The following TBC1D31 variants were observed in gnomAD, a reference collection of about 807,000 sequenced individuals.
The protein encoded by TBC1D31 is WD repeat domain 67.
A neutral mutation model predicts 132.9 loss-of-function variants in TBC1D31; 99 were observed. That is an observed-to-expected ratio of 0.74 (90% CI 0.63 to 0.88). The LOEUF (loss-of-function observed/expected upper bound fraction) is 0.88. Among genes scored for constraint, TBC1D31 ranks in the 40% least tolerant of loss-of-function variants. The pLI is 0.00. For synonymous variants in TBC1D31, 385 were observed against 419.4 expected (o/e 0.92, Z 1.00); for missense variants, 1,134 against 1,256.6 (o/e 0.90, Z 1.48).
chr8:123,097,803 G>A (rs1408811406), intron 6 of TBC1D31: 2 of 159,410 alleles, frequency 1.3e-5, no homozygotes, highest in African/African-American at 2.4e-5. Context: ...ACATTGACTC[G>A]TCAACATTCC....
chr8:123,159,916 G>T, the TBC1D31 span, among the ~76,000 whole-genome samples: 1 of 152,176 alleles, frequency 6.6e-6, no homozygotes, highest in South Asian at 2.1e-4. Flanking sequence ...AACAGTTTTA[G>T]CGTCACAGAA....
intron 21 of TBC1D31, 50 bp from the exon 22 acceptor site, chr8:123,151,756 G>A (rs754067450): frequency 1.5e-5 from 22 of 1,497,540 alleles, no homozygotes; most frequent in African/African-American, 4.4e-5. Flanking sequence ...CTGTATCACC[G>A]CTAACATCAG....
the TBC1D31 span, among the ~76,000 whole-genome samples, chr8:123,163,778 G>A: frequency 1.3e-5 from 2 of 152,122 alleles, no homozygotes; most frequent in South Asian, 2.1e-4. Flanking sequence ...TGGTGCATCC[G>A]TCACCCGAAG....
chr8:123,145,588 G>A (rs1822119036), intron 20 of TBC1D31, among the ~76,000 whole-genome samples: 1 of 151,944 alleles, frequency 6.6e-6, no homozygotes, highest in African/African-American at 2.4e-5. Flanking sequence ...TACCCTGGAG[G>A]CTGAGGCGAG....
At chr8:123,095,864 A>C (rs912773375) in intron 5 of TBC1D31, among the ~76,000 whole-genome samples, 1 of 152,186 alleles carries the variant, frequency 6.6e-6, no homozygotes, top group Admixed American at 6.5e-5. Flanking sequence ...TGACTGGGCC[A>C]ATCATTGTTT....
At chr8:123,077,015 A>G (rs1489360154) in intron 1 of TBC1D31, 96 bp from the exon 2 acceptor site, 18 of 1,205,334 alleles carry the variant, frequency 1.5e-5, no homozygotes, top group Non-Finnish European at 1.8e-5. Context: ...TAGGAGAGGG[A>G]AGAATGAACA....
chr8:123,082,972 C>A, intron 3 of TBC1D31, 155 bp downstream of exon 3: 1 of 584,162 alleles, frequency 1.7e-6, no homozygotes, highest in Admixed American at 3.2e-5. Context: ...GAAACAGCCT[C>A]ACTTTAGATC....
At chr8:123,098,015 G>C (rs913363854) in intron 6 of TBC1D31, among the ~76,000 whole-genome samples, 1 of 151,902 alleles carries the variant, frequency 6.6e-6, no homozygotes, top group Non-Finnish European at 1.5e-5. Flanking sequence ...TAACTTTCTT[G>C]TTTCAAATAG....
chr8:123,116,987 G>T (rs549089466), intron 10 of TBC1D31, among the ~76,000 whole-genome samples: 2 of 152,302 alleles, frequency 1.3e-5, no homozygotes, highest in South Asian at 2.1e-4. Flanking sequence ...TTGGAGGCAA[G>T]ATCCACCAAT....
intron 8 of TBC1D31, among the ~76,000 whole-genome samples, chr8:123,106,467 A>G (rs1010712992): frequency 6.6e-6 from 1 of 152,190 alleles, no homozygotes; most frequent in Non-Finnish European, 1.5e-5. Context: ...TTTTATTATT[A>G]GTTATGATAA....
chr8:123,124,921 A>G (rs1251315121), intron 11 of TBC1D31, among the ~76,000 whole-genome samples: 1 of 145,270 alleles, frequency 6.9e-6, no homozygotes, highest in Non-Finnish European at 1.5e-5. Context: ...TGGGCCACAG[A>G]GTGAGACTCC....
chr8:123,105,189 A>C lies in TBC1D31; in HGVS notation c.1033-99A>C, dbSNP rs954765062. The C allele has an allele frequency of 1.8e-5, 15 of 822,774 alleles. No individual in the cohort carries two copies. The Admixed American group carries it at 3.1e-4, about 17-fold the overall frequency. 51.0% of individuals were successfully genotyped at this position (822,774 alleles called of 1,614,324 possible). On this transcript the variant is annotated intron_variant, in intron 7 of 21. Transcript: ENST00000287380. ...TGCCTGAAGAATAATTCTACATATT[A>C]AGGCATGTTATTAAAGCAAATTTTG...
chr8:123,100,784 A>T, intron 6 of TBC1D31, 23 bp from the exon 7 acceptor site: 1 of 1,583,700 alleles, frequency 6.3e-7, no homozygotes, highest in Non-Finnish European at 8.7e-7. Flanking sequence ...TGTTTTTAGG[A>T]ATTTATATTT....
intron 7 of TBC1D31, chr8:123,104,106 T>A (rs534939117): frequency 6.6e-6 from 1 of 152,292 alleles, no homozygotes; most frequent in East Asian, 1.9e-4. Context: ...AGGTTCTTTT[T>A]TGGGAGGTTA....
chr8:123,142,258 C>G lies in TBC1D31; in HGVS notation c.2641-4C>G, dbSNP rs1159290803. The G allele has an allele frequency of 6.4e-7, 1 of 1,559,858 alleles. No individual in the cohort carries two copies. The highest frequency in any genetic ancestry group is 1.4e-5 in the African/African-American group (1 of 72,008). Reference sequence around the variant, plus strand: ...TGTTTCTGAAATGTATAACTTTTTCCTAGGTGATTAAAGAAAATTTGGCAA... The same window carrying G: ...TGTTTCTGAAATGTATAACTTTTTCGTAGGTGATTAAAGAAAATTTGGCAA... On this transcript the variant is annotated splice_polypyrimidine_tract_variant and splice_region_variant and intron_variant, in intron 18 of 21. Transcript: ENST00000287380.
chr8:123,121,794 G>C (rs1022773696), intron 11 of TBC1D31, among the ~76,000 whole-genome samples: 1 of 152,030 alleles, frequency 6.6e-6, no homozygotes. Flanking sequence ...ACAAGTATTA[G>C]TTTACCTGCC....
chr8:123,156,463 C>T (rs1490300868), downstream of TBC1D31, among the ~76,000 whole-genome samples: 2 of 150,636 alleles, frequency 1.3e-5, no homozygotes, highest in African/African-American at 2.4e-5. Context: ...AAAAAAAATA[C>T]CCCAGGGAAA....
At chr8:123,107,510 C>T (rs1201909094) in intron 8 of TBC1D31, among the ~76,000 whole-genome samples, 1 of 152,120 alleles carries the variant, frequency 6.6e-6, no homozygotes, top group East Asian at 1.9e-4. Context: ...AGACACAAGC[C>T]TAGCCTAGTT....
intron 10 of TBC1D31, among the ~76,000 whole-genome samples, chr8:123,112,086 G>A (rs1314272682): frequency 2.0e-5 from 3 of 152,036 alleles, no homozygotes; most frequent in Non-Finnish European, 4.4e-5. Flanking sequence ...GATCTCCTGG[G>A]CTCAAGTGAT....
Sources: allele counts gnomAD v4.1 joint callset (sites outside exome capture counted in the v4.1 genomes callset), GRCh38; gene constraint gnomAD v4.1.1; transcripts MANE v1.5; gene names NCBI Gene and HGNC (gene_info 2026-07-23, HGNC 2026-07-21).